The following OPTN variants were observed in gnomAD, a reference collection of about 807,000 sequenced individuals.
The protein encoded by OPTN is optineurin, also known as E3-14.7K-interacting protein.
Under a neutral mutation model 70.4 loss-of-function variants are expected in OPTN, and 54 were observed. The ratio of observed to expected loss-of-function variants is 0.77; its 90% CI spans 0.62 to 0.96. The LOEUF is 0.96. Ranked by LOEUF, OPTN falls within the 40% of genes least tolerant of loss-of-function variation. The pLI is 0.00. For synonymous variants in OPTN, 256 were observed against 248.5 expected (o/e 1.03, Z -0.28); for missense variants, 624 against 673.2 (o/e 0.93, Z 0.81).
At chr10:13,133,392 G>A (rs1264600549) in intron 13 of OPTN, 110 bp from the exon 14 acceptor site, 2 of 882,250 alleles carry the variant, frequency 2.3e-6, no homozygotes, top group Admixed American at 3.8e-5. Flanking sequence ...ATGAACCTTG[G>A]CAGTGTAGTT....
At chr10:13,116,068 G>A (rs549742579) in intron 5 of OPTN, among the ~76,000 whole-genome samples, 199 bp from the exon 6 acceptor site, 25 of 152,244 alleles carry the variant, frequency 1.6e-4, no homozygotes, top group African/African-American at 5.8e-4. Context: ...TTATAATCCC[G>A]ACAGGGCGTG....
At position 13,125,411 on chromosome 10, in the gene OPTN, T is replaced by G. The variant is rs771335840; in HGVS notation, c.999-7T>G. The G allele has an allele frequency of 2.5e-6, 4 of 1,614,062 alleles. No individual in the cohort carries two copies. The highest frequency in any genetic ancestry group is 1.3e-5 in the African/African-American group (1 of 75,050). ...GTTTATCCTCATGAAATCTTGACCT[T>G]TCTTAGGTGTCAGGCCCTTGAAAGG... On this transcript the variant is annotated splice_region_variant and splice_polypyrimidine_tract_variant and intron_variant, in intron 9 of 14. Coordinates refer to ENST00000378747, the MANE Select transcript of OPTN (RefSeq NM_001008212.2).
chr10:13,118,088 C>CATG (rs1170205006), intron 6 of OPTN, among the ~76,000 whole-genome samples: 3 of 152,178 alleles, frequency 2.0e-5, no homozygotes, highest in African/African-American at 7.2e-5. Flanking sequence ...TCTTTTAAGC[C>CATG]ACATGGCTAT....
At position 13,109,269 on chromosome 10, in the gene OPTN, C is replaced by T. The variant is rs187734249; in HGVS notation, c.147C>T (p.Thr49=). The T allele has an allele frequency of 2.3e-4, 367 of 1,613,924 alleles. 4 individuals are homozygous for T. In the East Asian group the frequency reaches 6.7e-3, roughly 30 times the overall value. ...ELLQQMKELL[T]ENHQLKEAMK... is the part of the protein sequence containing the mutation. The stretch of plus-strand genomic sequence containing the variant: ...TGCAGCAGATGAAAGAGCTCCTGAC[C>T]GAGAACCACCAGCTGAAAGGTGAGC... The change falls in exon 3 of 15, where the codon ACC becomes ACT. Residue 49 remains threonine (T), a synonymous_variant. Transcript: ENST00000378747.
chr10:13,134,614 G>C (rs1423873280), intron 14 of OPTN, among the ~76,000 whole-genome samples: 1 of 152,116 alleles, frequency 6.6e-6, no homozygotes, highest in African/African-American at 2.4e-5. Context: ...TTTTAGTAGA[G>C]ACAGGGTTTC....
chr10:13,128,858 A>C (rs1833530879), intron 12 of OPTN, among the ~76,000 whole-genome samples: 1 of 152,022 alleles, frequency 6.6e-6, no homozygotes, highest in African/African-American at 2.4e-5. Context: ...TTTTAAAAAA[A>C]TGTAATGACT....
intron 5 of OPTN, among the ~76,000 whole-genome samples, chr10:13,114,821 A>ATTATATAATTATATAATTATATAACGT (rs1833105430): frequency 9.3e-6 from 1 of 107,130 alleles, no homozygotes; most frequent in Admixed American, 1.3e-4. Flanking sequence ...TAATTATATA[A>ATTATATAATTATATAATTATATAACGT]TTATATAATT....
chr10:13,102,600 G>A (rs1181108283), intron 1 of OPTN, among the ~76,000 whole-genome samples: 2 of 152,188 alleles, frequency 1.3e-5, no homozygotes, highest in African/African-American at 4.8e-5. Context: ...GACAAGATAA[G>A]GGCCTGAACT....
chr10:13,137,670 G>A lies in OPTN; in HGVS notation c.*804G>A, dbSNP rs910206942. Reference sequence around the variant, plus strand: ...CTGTTGGAGGTTATGTGTGTATGTTGTAGTTTTATTGCAGCCACAATAATT... The same window carrying A: ...CTGTTGGAGGTTATGTGTGTATGTTATAGTTTTATTGCAGCCACAATAATT... On this transcript the variant is annotated 3_prime_UTR_variant, in exon 15 of 15. Coordinates refer to ENST00000378747, the MANE Select transcript of OPTN (RefSeq NM_001008212.2). The A allele has an allele frequency of 3.0e-5, 7 of 231,270 alleles. No individual in the cohort carries two copies. Among genetic ancestry groups the A allele is most frequent in the Non-Finnish European group, 5.1e-5 (6 of 116,902 alleles). The allele number at this position is 231,270 out of a possible 1,614,324, so 14.3% of individuals were successfully genotyped here.
In OPTN at chr10:13,126,048, T is replaced by A. The variant is rs745631725; in HGVS notation, c.1242+9T>A. The A allele has an allele frequency of 2.6e-6, 4 of 1,544,950 alleles. No individual in the cohort carries two copies. Among genetic ancestry groups the A allele is most frequent in the African/African-American group, 1.4e-5 (1 of 73,706 alleles). On this transcript the variant is annotated intron_variant, in intron 11 of 14. Transcript: ENST00000378747. Reference sequence around the variant, plus strand: ...AACTAACAAGAAAAGAGGTATTCACTGAAAAAAATTACTTCCATAGCCTAG... The same window carrying A: ...AACTAACAAGAAAAGAGGTATTCACAGAAAAAAATTACTTCCATAGCCTAG...
chr10:13,116,374 C>T (rs1051290774), intron 6 of OPTN, 34 bp downstream of exon 6: 2 of 1,483,124 alleles, frequency 1.3e-6, no homozygotes, highest in African/African-American at 2.8e-5. Context: ...GTCAGGCAGA[C>T]AGGCTGGGCA....
At chr10:13,114,789 T>C (rs1833094435) in intron 5 of OPTN, among the ~76,000 whole-genome samples, 2 of 104,676 alleles carry the variant, frequency 1.9e-5, no homozygotes, top group African/African-American at 7.5e-5. Context: ...TATATAATTA[T>C]ATAATTATAT....
rs570216241 is a variant in OPTN at position 13,104,862 on chromosome 10, G to A, written c.-163-3276G>A. 3.2e-5 allele frequency: 11 copies of A among 347,480 alleles called. No homozygotes were observed. The Admixed American group carries it at 3.8e-4, about 12-fold the overall frequency. The allele number at this position is 347,480 out of a possible 1,614,324, so 21.5% of individuals were successfully genotyped here. The stretch of plus-strand genomic sequence containing the variant: ...TCAAGGAACGAAGAAGGGACAGCAT[G>A]GGGGTGACCAGGGGCCCGACCGCAG... On this transcript the variant is annotated intron_variant, in intron 1 of 14. Transcript: ENST00000378747.
intron 1 of OPTN, among the ~76,000 whole-genome samples, chr10:13,106,558 T>C (rs1380225129): frequency 6.6e-6 from 1 of 152,202 alleles, no homozygotes; most frequent in Non-Finnish European, 1.5e-5. Flanking sequence ...AATGCCCCTC[T>C]TGGTACTAGC....
At chr10:13,101,811 G>T (rs1005021916) in intron 1 of OPTN, among the ~76,000 whole-genome samples, 3 of 152,158 alleles carry the variant, frequency 2.0e-5, no homozygotes, top group Non-Finnish European at 2.9e-5. Context: ...AGTGAATGCC[G>T]TGGAACTGTG....
At chr10:13,101,077 C>G (rs1832733223) in intron 1 of OPTN, among the ~76,000 whole-genome samples, 1 of 152,166 alleles carries the variant, frequency 6.6e-6, no homozygotes, top group Non-Finnish European at 1.5e-5. Context: ...TCTTTTGACC[C>G]AGGGAGAGAA....
chr10:13,117,439 GTTTTTTTTTT>G (rs1168488076), intron 6 of OPTN, among the ~76,000 whole-genome samples: 16 of 32,756 alleles, frequency 4.9e-4, no homozygotes, highest in Non-Finnish European at 7.4e-4. Context: ...TTGAGATGGA[GTTTTTTTTTT>G]TTTTTTTTTT....
chr10:13,119,659 A>G (rs946176782), intron 7 of OPTN, among the ~76,000 whole-genome samples: 1 of 152,190 alleles, frequency 6.6e-6, no homozygotes, highest in Admixed American at 6.5e-5. Context: ...GCCATTTTGC[A>G]TTCCCACCAG....
At chr10:13,111,702 A>G (rs1388465579) in intron 4 of OPTN, among the ~76,000 whole-genome samples, 3 of 152,186 alleles carry the variant, frequency 2.0e-5, no homozygotes, top group Non-Finnish European at 4.4e-5. Flanking sequence ...TCTGGGAAAA[A>G]AAAATTGTCA....
Sources: allele counts gnomAD v4.1 joint callset (sites outside exome capture counted in the v4.1 genomes callset), GRCh38; gene constraint gnomAD v4.1.1; transcripts MANE v1.5; gene names NCBI Gene and HGNC (gene_info 2026-07-23, HGNC 2026-07-21).